Variants in PKMYT1 observed in about 807,000 individuals in gnomAD.
The protein encoded by PKMYT1 is protein kinase, membrane associated tyrosine/threonine 1, also known as membrane-associated tyrosine- and threonine-specific cdc2-inhibitory kinase.
Under a neutral mutation model 49.7 loss-of-function variants are expected in PKMYT1, and 35 were observed. The observed-to-expected ratio is 0.70, with a 90% CI of 0.54 to 0.93. The LOEUF (loss-of-function observed/expected upper bound fraction) is 0.93. Ranked by LOEUF, PKMYT1 falls within the 40% of genes least tolerant of loss-of-function variation. The pLI, the probability that PKMYT1 is intolerant of heterozygous loss-of-function variation, is 0.00. For synonymous variants in PKMYT1, 331 were observed against 287.6 expected, an observed-to-expected ratio of 1.15 and a Z score of -1.53; for missense variants, 677 against 673.1, an observed-to-expected ratio of 1.01 and a Z score of -0.06.
intron 2 of PKMYT1, among the ~76,000 whole-genome samples, chr16:2,978,100 AG>A (rs2072247800): frequency 6.6e-6 from 1 of 152,174 alleles, no homozygotes; most frequent in Non-Finnish European, 1.5e-5. Flanking sequence ...GCACTCAGAG[AG>A]GTGCCCCGCT....
intron 3 of PKMYT1, among the ~76,000 whole-genome samples, chr16:2,976,257 C>CT (rs1455138662): frequency 6.6e-6 from 1 of 152,210 alleles, no homozygotes; most frequent in Non-Finnish European, 1.5e-5. Flanking sequence ...TGACTGGAAA[C>CT]TGTGTTTAAG....
rs1380961689 is a variant in PKMYT1, at chr16:2,974,307, C to T, written c.1090G>A (p.Ala364Thr). The change falls in exon 6 of 9, where the codon GCC becomes ACC. Residue 364 changes from alanine (A) to threonine (T), a missense_variant. By Grantham distance (58) the Ala-to-Thr change is moderately conservative (BLOSUM62 0). Transcript: ENST00000262300. ...LALPVLRQPR[A>T]WGVLWCMAAE... ...GCCATGCACCACAGCACACCCCAGG[C>T]CCGCGGCTGCCTCAACACAGGCAGT... 5 of 1,593,286 alleles carry T rather than the reference C, an allele frequency of 3.1e-6. No individual in the cohort carries two copies. Among genetic ancestry groups the T allele is most frequent in the Non-Finnish European group, 4.3e-6 (5 of 1,170,656 alleles).
At chr16:2,973,903 T>A in intron 7 of PKMYT1, 97 bp downstream of exon 7, 1 of 1,337,942 alleles carries the variant, frequency 7.5e-7, no homozygotes, top group Non-Finnish European at 1.0e-6. Flanking sequence ...GGGGCCAGGT[T>A]TGTGGGAGTG....
In PKMYT1 at chr16:2,974,316, G is replaced by C; in HGVS notation, c.1081C>G (p.Gln361Glu). The change falls in exon 6 of 9, where the codon CAG (glutamine) becomes GAG (glutamate). Residue 361 changes from glutamine to glutamate, a missense_variant. Transcript: ENST00000262300. ...CACAGCACACCCCAGGCCCGCGGCT[G>C]CCTCAACACAGGCAGTGCCAGCAGG... Reference protein sequence around the residue: ...EALLALPVLRQPRAWGVLWCM... With the variant: ...EALLALPVLREPRAWGVLWCM... 6.2e-7 allele frequency: 1 copy of C among 1,601,668 alleles called. No individual in the cohort carries two copies.
At chr16:2,975,257 G>C in intron 4 of PKMYT1, 62 bp downstream of exon 4, 1 of 1,491,624 alleles carries the variant, frequency 6.7e-7, no homozygotes, top group South Asian at 1.3e-5. Flanking sequence ...GGGGAATGGA[G>C]CTTCCGTCCC....
rs1360891910 is a variant in PKMYT1, at chr16:2,980,384, C to G, written c.-354G>C. On this transcript the variant is annotated 5_prime_UTR_variant, in exon 1 of 9. Transcript: ENST00000262300. ...GGTGGCTCAGCGGGCCGGAGTCTGCCGTCGACTGTTCCGGACGCCCGGGCG... is the reference window on the plus strand; with the variant it reads ...GGTGGCTCAGCGGGCCGGAGTCTGCGGTCGACTGTTCCGGACGCCCGGGCG... 6.6e-6 allele frequency: 1 copy of G among 152,292 alleles called. No individual in the cohort carries two copies. The highest frequency in any genetic ancestry group is 1.5e-5 in the Non-Finnish European group (1 of 68,064). The allele number at this position is 152,292 out of a possible 1,614,324, so 9.4% of individuals were successfully genotyped here.
In PKMYT1 at chr16:2,974,307, C is replaced by G; in HGVS notation, c.1090G>C (p.Ala364Pro). The change falls in exon 6 of 9, where the codon GCC becomes CCC. Residue 364 changes from alanine to proline, a missense_variant. Coordinates refer to ENST00000262300, the MANE Select transcript of PKMYT1 (RefSeq NM_004203.5). ...GCCATGCACCACAGCACACCCCAGGCCCGCGGCTGCCTCAACACAGGCAGT... is the reference window on the plus strand; with the variant it reads ...GCCATGCACCACAGCACACCCCAGGGCCGCGGCTGCCTCAACACAGGCAGT... ...LALPVLRQPR[A>P]WGVLWCMAAE... is the part of the protein sequence containing the mutation. The G allele has an allele frequency of 6.3e-7, 1 of 1,593,286 alleles. No individual in the cohort carries two copies. Among genetic ancestry groups the G allele is most frequent in the African/African-American group, 1.3e-5 (1 of 74,624 alleles).
intron 5 of PKMYT1, 47 bp downstream of exon 5, chr16:2,974,503 T>A: frequency 6.5e-7 from 1 of 1,532,524 alleles, no homozygotes; most frequent in Non-Finnish European, 8.8e-7. Flanking sequence ...AGCCACTATC[T>A]CCCCAGGAGC....
At chr16:2,979,318 A>C (rs976463421) in intron 2 of PKMYT1, among the ~76,000 whole-genome samples, 1 of 152,176 alleles carries the variant, frequency 6.6e-6, no homozygotes, top group Non-Finnish European at 1.5e-5. Flanking sequence ...GGGCGACAAG[A>C]GCAAAACTCC....
intron 2 of PKMYT1, among the ~76,000 whole-genome samples, chr16:2,978,739 C>T (rs1371578510): frequency 8.5e-6 from 1 of 117,736 alleles, no homozygotes; most frequent in Non-Finnish European, 1.8e-5. Context: ...CAGAGCGAGA[C>T]TCTGTCTCAA....
chr16:2,976,294 G>A (rs1260533486), intron 3 of PKMYT1, among the ~76,000 whole-genome samples: 1 of 152,222 alleles, frequency 6.6e-6, no homozygotes, highest in African/African-American at 2.4e-5. Context: ...GCAGGGGGTA[G>A]CTCAAAGCCT....
chr16:2,972,856 G>C lies in PKMYT1; in HGVS notation c.*97C>G. The C allele has an allele frequency of 6.5e-7, 1 of 1,534,868 alleles. No individual in the cohort carries two copies. The highest frequency in any genetic ancestry group is 8.8e-7 in the Non-Finnish European group (1 of 1,134,720). On this transcript the variant is annotated 3_prime_UTR_variant, in exon 9 of 9. Coordinates refer to ENST00000262300, the MANE Select transcript of PKMYT1 (RefSeq NM_004203.5). Reference sequence around the variant, plus strand: ...ACTTTTTATTAGACACGGCCAGGCAGAGAAGACCATGGGAGTTCCCGAGGG... The same window carrying C: ...ACTTTTTATTAGACACGGCCAGGCACAGAAGACCATGGGAGTTCCCGAGGG...
rs2072170188 is a variant in PKMYT1, at chr16:2,975,664, G to A, written c.527C>T (p.Ala176Val). The A allele has an allele frequency of 6.2e-7, 1 of 1,610,708 alleles. No individual in the cohort carries two copies. The highest frequency in any genetic ancestry group is 1.1e-5 in the South Asian group (1 of 91,072). Residue 176 changes from alanine to valine, a missense_variant, in exon 4 of 9, where the codon GCC becomes GTC. Coordinates refer to ENST00000262300, the MANE Select transcript of PKMYT1 (RefSeq NM_004203.5). ...QHPCCVRLEQ[A>V]WEEGGILYLQ... Reference sequence around the variant, plus strand: ...GTACAGGATGCCGCCCTCCTCCCAGGCCTGCTCCAGCCGCACGCAGCATGG... The same window carrying A: ...GTACAGGATGCCGCCCTCCTCCCAGACCTGCTCCAGCCGCACGCAGCATGG...
At chr16:2,979,192 G>A (rs1224891442) in intron 2 of PKMYT1, among the ~76,000 whole-genome samples, 3 of 151,946 alleles carry the variant, frequency 2.0e-5, no homozygotes, top group African/African-American at 4.8e-5. Flanking sequence ...AATTTTTGCC[G>A]GGCGTGCTGG....
Position 2,979,785 on chromosome 16 carries a change from G to T in PKMYT1, c.-128C>A. The T allele has an allele frequency of 8.9e-7, 1 of 1,125,888 alleles. No homozygotes were observed. Among genetic ancestry groups the T allele is most frequent in the Non-Finnish European group, 1.3e-6 (1 of 763,456 alleles). The allele number at this position is 1,125,888 out of a possible 1,614,324, so 69.7% of individuals were successfully genotyped here. On this transcript the variant is annotated 5_prime_UTR_variant, in exon 2 of 9. Coordinates refer to ENST00000262300, the MANE Select transcript of PKMYT1 (RefSeq NM_004203.5). ...ACCTCCGCAGCTTCCGGGGCCCTGG[G>T]CGATCGGGCCGTCTCGCCTCACCCT...
intron 2 of PKMYT1, 65 bp downstream of exon 2, chr16:2,979,583 C>A: frequency 7.4e-7 from 1 of 1,347,128 alleles, no homozygotes; most frequent in South Asian, 1.2e-5. Flanking sequence ...AACCCTGGCA[C>A]ACTCGGGGAC....
At chr16:2,976,202 C>T (rs1391691634) in intron 3 of PKMYT1, 1 of 237,866 alleles carries the variant, frequency 4.2e-6, no homozygotes, top group Non-Finnish European at 8.1e-6. Context: ...TGTCTTCATA[C>T]AGGACTCATA....
In PKMYT1 at chr16:2,974,425, T is replaced by C; in HGVS notation, c.980-8A>G. 3 of 1,604,304 alleles carry C rather than the reference T, an allele frequency of 1.9e-6. No homozygotes were observed. Among genetic ancestry groups the C allele is most frequent in the Non-Finnish European group, 2.6e-6 (3 of 1,174,102 alleles). On this transcript the variant is annotated splice_region_variant and splice_polypyrimidine_tract_variant and intron_variant, in intron 5 of 8. Coordinates refer to ENST00000262300, the MANE Select transcript of PKMYT1 (RefSeq NM_004203.5). ...GCAGCTCGGAAGACAGACCTGCCCATGAGGAAGGGCCACATCGGGGTCCCA... is the reference window on the plus strand; with the variant it reads ...GCAGCTCGGAAGACAGACCTGCCCACGAGGAAGGGCCACATCGGGGTCCCA...
intron 7 of PKMYT1, 43 bp downstream of exon 7, chr16:2,973,957 C>T (rs371180767): frequency 4.5e-5 from 72 of 1,593,782 alleles, no homozygotes; most frequent in Non-Finnish European, 5.7e-5. Context: ...GGTGATATCC[C>T]CCACCTTCCC....
Sources: allele counts gnomAD v4.1 joint callset (sites outside exome capture counted in the v4.1 genomes callset), GRCh38; gene constraint gnomAD v4.1.1; transcripts MANE v1.5; gene names NCBI Gene and HGNC (gene_info 2026-07-23, HGNC 2026-07-21).